The following RNF144A variants were observed in gnomAD, a reference collection of about 807,000 sequenced individuals.
RNF144A encodes E3 ubiquitin-protein ligase RNF144A.
In RNF144A, 11 loss-of-function variants were observed where a neutral mutation model predicts 38.7. That is an observed-to-expected ratio of 0.28 (90% CI 0.18 to 0.47). The LOEUF (loss-of-function observed/expected upper bound fraction) is 0.47. Among genes scored for constraint, RNF144A ranks in the 20% least tolerant of loss-of-function variants. RNF144A has a pLI of 0.99. For missense variants in RNF144A, 316 were observed against 377.2 expected (o/e 0.84, Z 1.34); for synonymous variants, 149 against 143.9 (o/e 1.04, Z -0.25).
At chr2:6,998,549 C>T (rs901816867) in intron 3 of RNF144A, among the ~76,000 whole-genome samples, 1 of 152,176 alleles carries the variant, frequency 6.6e-6, no homozygotes, top group Non-Finnish European at 1.5e-5. Flanking sequence ...CCCAGAAGAG[C>T]TAATCAGTAA....
intron 2 of RNF144A, among the ~76,000 whole-genome samples, chr2:6,991,803 A>G (rs918781875): frequency 2.6e-5 from 4 of 152,112 alleles, no homozygotes; most frequent in African/African-American, 9.7e-5. Context: ...ACACATACAT[A>G]TATATCTCTC....
rs147007609 is a variant in RNF144A at position 6,948,704 on chromosome 2, C to T, written c.-12+7557C>T. 3.9e-3 allele frequency among the ~76,000 whole-genome samples: 596 copies of T among 152,242 alleles called. 4 individuals carry two copies. The highest frequency in any genetic ancestry group is 0.012 in the African/African-American group (480 of 41,526). ...AACATCTTGGAAAATATCTTGATTC[C>T]AAATGGAAGTGATTTAGGATTGCAA... On this transcript the variant is annotated intron_variant, in intron 2 of 8. Coordinates refer to ENST00000320892, the MANE Select transcript of RNF144A (RefSeq NM_014746.6).
In RNF144A at chr2:7,003,757, G is replaced by A. The variant is rs746369378; in HGVS notation, c.135+6696G>A. Among the ~76,000 whole-genome samples the A allele has an allele frequency of 8.5e-5, 13 of 152,364 alleles. 1 individual carries two copies. Among genetic ancestry groups the A allele is most frequent in the African/African-American group, 3.1e-4 (13 of 41,594 alleles). ...CTAGCTGTATGTGAGCAAAGCCTGC[G>A]AGAGGGCAGCATGCTTTGCCACCTG... On this transcript the variant is annotated intron_variant, in intron 3 of 8. Transcript: ENST00000320892.
At chr2:7,067,478 GT>G (rs1333331272) in intron 6 of RNF144A, among the ~76,000 whole-genome samples, 1 of 152,140 alleles carries the variant, frequency 6.6e-6, no homozygotes, top group East Asian at 1.9e-4. Context: ...CAAGCTCAGT[GT>G]TTAGAAATCT....
chr2:7,075,290 C>G, the RNF144A span, among the ~76,000 whole-genome samples: 13 of 151,802 alleles, frequency 8.6e-5, no homozygotes, highest in South Asian at 2.1e-4. Context: ...ATCCCCCCCC[C>G]CACACAGTGT....
downstream of RNF144A, among the ~76,000 whole-genome samples, chr2:7,046,519 G>A (rs1410506632): frequency 6.6e-6 from 1 of 152,226 alleles, no homozygotes; most frequent in Non-Finnish European, 1.5e-5. Context: ...GATAAATGAG[G>A]AAATGACAAG....
At chr2:6,967,969 A>T (rs1229309975) in intron 2 of RNF144A, among the ~76,000 whole-genome samples, 2 of 152,238 alleles carry the variant, frequency 1.3e-5, no homozygotes, top group Admixed American at 6.5e-5. Flanking sequence ...TTTAAGGAAC[A>T]GTGTTTTTTT....
At chr2:6,964,990 A>T (rs1189088878) in intron 2 of RNF144A, among the ~76,000 whole-genome samples, 3 of 152,122 alleles carry the variant, frequency 2.0e-5, no homozygotes, top group African/African-American at 4.8e-5. Flanking sequence ...TAAAAAAAAG[A>T]GGGAGCATGG....
At chr2:6,950,437 A>G (rs1412690760) in intron 2 of RNF144A, among the ~76,000 whole-genome samples, 5 of 152,170 alleles carry the variant, frequency 3.3e-5, no homozygotes, top group African/African-American at 1.2e-4. Context: ...TTCTCCTGCC[A>G]TTGGATGTTT....
chr2:6,930,314 G>A (rs1665121289), intron 1 of RNF144A, among the ~76,000 whole-genome samples: 1 of 152,092 alleles, frequency 6.6e-6, no homozygotes, highest in Non-Finnish European at 1.5e-5. Context: ...TGAAAAATGT[G>A]CTGAGGAGAG....
rs1288520307 is a variant in RNF144A at position 6,917,609 on chromosome 2, A to C, written c.-225A>C. 6.8e-6 allele frequency: 1 copy of C among 147,552 alleles called. No homozygotes were observed. Among genetic ancestry groups the C allele is most frequent in the Non-Finnish European group, 1.5e-5 (1 of 66,278 alleles). 9.1% of individuals were successfully genotyped at this position (147,552 alleles called of 1,614,324 possible). A position where few individuals can be genotyped will look rare whatever the true frequency, so the allele number is the denominator to read the frequency against. On this transcript the variant is annotated 5_prime_UTR_variant, in exon 1 of 9. Coordinates refer to ENST00000320892, the MANE Select transcript of RNF144A (RefSeq NM_014746.6). This position sits in a 1 kb window ranked among gnomAD's most constrained non-coding sequence, Gnocchi z 4.8. ...GAGGCGTCAGAGCCGCGCACCGCGG[A>C]CGAGCAGGCCCAGGTAGAGTGACGC...
At chr2:7,029,105 G>C (rs1672107796) in intron 7 of RNF144A, among the ~76,000 whole-genome samples, 1 of 152,336 alleles carries the variant, frequency 6.6e-6, no homozygotes, top group South Asian at 2.1e-4. Context: ...CCTGGTTTTC[G>C]GAAGAGTGAC....
At chr2:6,984,059 T>C (rs1318782334) in intron 2 of RNF144A, among the ~76,000 whole-genome samples, 2 of 152,190 alleles carry the variant, frequency 1.3e-5, no homozygotes, top group African/African-American at 2.4e-5. Context: ...GCCACAGTGC[T>C]CTGCATTTTT....
rs1169623791 is a variant in RNF144A at position 6,944,850 on chromosome 2, G to A, written c.-12+3703G>A. 6.6e-6 allele frequency among the ~76,000 whole-genome samples: 1 copy of A among 152,186 alleles called. No homozygotes were observed. The highest frequency in any genetic ancestry group is 1.5e-5 in the Non-Finnish European group (1 of 68,032). ...TTCACAAAAGAGTCATGGTGAAGTG[G>A]CCAAAATACTAGAAAATGACATTCC... is the stretch of plus-strand genomic sequence containing the variant. On this transcript the variant is annotated intron_variant, in intron 2 of 8. Transcript: ENST00000320892. This position sits in a 1 kb window ranked among gnomAD's most constrained non-coding sequence, Gnocchi z 4.7.
chr2:7,002,842 C>T (rs1670198642), intron 3 of RNF144A, among the ~76,000 whole-genome samples: 1 of 152,084 alleles, frequency 6.6e-6, no homozygotes, highest in African/African-American at 2.4e-5. Context: ...TGTTGTTAAT[C>T]TCATATGAGA....
chr2:7,057,491 T>C (rs1673785807), intron 6 of RNF144A, among the ~76,000 whole-genome samples: 1 of 152,198 alleles, frequency 6.6e-6, no homozygotes, highest in Non-Finnish European at 1.5e-5. Context: ...CCTCAATTCA[T>C]TTGCTAGCTA....
intron 2 of RNF144A, among the ~76,000 whole-genome samples, chr2:6,948,034 G>A (rs948843780): frequency 3.3e-5 from 5 of 152,224 alleles, no homozygotes; most frequent in African/African-American, 1.2e-4. Flanking sequence ...TCTAGGTCCC[G>A]AGGGAAGAGG....
At chr2:6,929,921 C>T (rs1161312507) in intron 1 of RNF144A, among the ~76,000 whole-genome samples, 2 of 152,156 alleles carry the variant, frequency 1.3e-5, no homozygotes, top group African/African-American at 4.8e-5. Flanking sequence ...GTGGGTCCTG[C>T]TGCAGGAAGG....
intron 6 of RNF144A, among the ~76,000 whole-genome samples, chr2:7,051,085 A>G (rs558500841): frequency 2.1e-4 from 32 of 152,336 alleles, no homozygotes; most frequent in African/African-American, 7.5e-4. Context: ...GAAGGTGATG[A>G]TCACACTCCA....
Sources: allele counts gnomAD v4.1 joint callset (sites outside exome capture counted in the v4.1 genomes callset), GRCh38; gene constraint gnomAD v4.1.1; non-coding constraint Gnocchi (gnomAD v3.1); transcripts MANE v1.5; gene names NCBI Gene and HGNC (gene_info 2026-07-23, HGNC 2026-07-21).